SH3BGRL: variants seen among roughly 807,000 people sequenced by gnomAD.
SH3BGRL encodes the protein SH3 domain binding glutamate rich protein like, also known as adapter SH3BGRL.
SH3BGRL carries 7 observed loss-of-function variants against 9.8 expected under a neutral mutation model. That is an observed-to-expected ratio of 0.72 (90% CI 0.41 to 1.35). SH3BGRL has a LOEUF of 1.35. Ranked by LOEUF, SH3BGRL falls within the 40% of genes most tolerant of loss-of-function variation. The pLI, the probability that SH3BGRL is intolerant of heterozygous loss-of-function variation, is 0.01. For synonymous variants in SH3BGRL, 36 were observed against 29.1 expected (o/e 1.24, Z -0.76); for missense variants, 73 against 84.4 (o/e 0.86, Z 0.53).
intron 1 of SH3BGRL, among the ~76,000 whole-genome samples, chrX:81,212,848 A>G (rs892853724): frequency 8.9e-6 from 1 of 112,146 alleles, no homozygotes; most frequent in Non-Finnish European, 1.9e-5. Context: ...ATGAAAACTC[A>G]AAGCATCTAA....
intron 1 of SH3BGRL, among the ~76,000 whole-genome samples, chrX:81,231,279 G>A (rs897020295): frequency 3.6e-5 from 4 of 112,460 alleles, no homozygotes; most frequent in Non-Finnish European, 5.6e-5. Flanking sequence ...AGTTCTATTT[G>A]TAAATTTGGA....
chrX:81,291,276 G>A lies in SH3BGRL; in HGVS notation c.313-5919G>A, dbSNP rs1344258736. Among the ~76,000 whole-genome samples, 30 of 111,368 alleles carry A rather than the reference G, an allele frequency of 2.7e-4. No individual in the cohort carries two copies. In the Admixed American group the frequency reaches 2.9e-3, roughly 11 times the overall value. On this transcript the variant is annotated intron_variant, in intron 3 of 3. Coordinates refer to ENST00000373212, the MANE Select transcript of SH3BGRL (RefSeq NM_003022.3). ...GTTTAATTTACTTACAGTTCCACAGGCTATAAAGCAGACATGGCTTGGGAG... is the reference window on the plus strand; with the variant it reads ...GTTTAATTTACTTACAGTTCCACAGACTATAAAGCAGACATGGCTTGGGAG...
At chrX:81,245,415 A>G (rs2075685243) in intron 1 of SH3BGRL, among the ~76,000 whole-genome samples, 1 of 111,662 alleles carries the variant, frequency 9.0e-6, no homozygotes, top group African/African-American at 3.3e-5. Context: ...AGGTATGTAT[A>G]TATTTTTTCC....
intron 1 of SH3BGRL, among the ~76,000 whole-genome samples, chrX:81,228,095 T>C (rs1294182170): frequency 8.9e-6 from 1 of 112,145 alleles, no homozygotes; most frequent in Admixed American, 9.5e-5. Flanking sequence ...CATAGTATTG[T>C]CAACTAAAAA....
At chrX:81,273,268 G>C (rs372367493) in intron 1 of SH3BGRL, among the ~76,000 whole-genome samples, 2 of 112,642 alleles carry the variant, frequency 1.8e-5, no homozygotes, top group African/African-American at 6.4e-5. Context: ...ATAAATGCTT[G>C]TTCTCTCTTC....
At chrX:81,224,768 T>A (rs1389624790) in intron 1 of SH3BGRL, among the ~76,000 whole-genome samples, 1 of 111,902 alleles carries the variant, frequency 8.9e-6, no homozygotes, top group Non-Finnish European at 1.9e-5. Context: ...TTTTTGGATA[T>A]GGTATAATAA....
chrX:81,278,874 C>T (rs904295170), intron 3 of SH3BGRL, among the ~76,000 whole-genome samples: 1 of 111,851 alleles, frequency 8.9e-6, no homozygotes. Flanking sequence ...AAATTGCTCG[C>T]CAAATTTGAG....
intron 1 of SH3BGRL, among the ~76,000 whole-genome samples, chrX:81,249,133 A>C (rs927872490): frequency 2.7e-5 from 3 of 112,292 alleles, no homozygotes. Context: ...CAAAACAAAA[A>C]AAACAAAAAA....
At chrX:81,232,663 G>A (rs190298750) in intron 1 of SH3BGRL, among the ~76,000 whole-genome samples, 1 of 110,532 alleles carries the variant, frequency 9.0e-6, no homozygotes, top group African/African-American at 3.3e-5. Flanking sequence ...AAGCACCAAT[G>A]ACATAGGTTA....
At chrX:81,295,119 G>A (rs1288209531) in intron 3 of SH3BGRL, among the ~76,000 whole-genome samples, 1 of 111,747 alleles carries the variant, frequency 8.9e-6, no homozygotes, top group Non-Finnish European at 1.9e-5. Flanking sequence ...GTGGATTTTT[G>A]GTTTAATGCT....
intron 3 of SH3BGRL, among the ~76,000 whole-genome samples, chrX:81,289,644 G>T (rs1325476319): frequency 3.6e-5 from 4 of 111,042 alleles, no homozygotes; most frequent in Non-Finnish European, 7.5e-5. Flanking sequence ...GATCACTTGA[G>T]GCTAGGAGTT....
intron 1 of SH3BGRL, among the ~76,000 whole-genome samples, chrX:81,211,524 T>C (rs926602063): frequency 1.8e-5 from 2 of 110,514 alleles, no homozygotes; most frequent in Non-Finnish European, 3.8e-5. Context: ...GAGGCGGAGC[T>C]TGCAGTGATC....
chrX:81,250,648 C>G (rs1017142382), intron 1 of SH3BGRL, among the ~76,000 whole-genome samples: 29 of 111,941 alleles, frequency 2.6e-4, no homozygotes, highest in African/African-American at 9.1e-4. Flanking sequence ...CCAACTTCAA[C>G]TATTTTTTTT....
intron 1 of SH3BGRL, among the ~76,000 whole-genome samples, chrX:81,214,442 G>A (rs1320749672): frequency 7.2e-5 from 8 of 111,489 alleles, no homozygotes; most frequent in Non-Finnish European, 1.5e-4. Context: ...AGAAAATTAA[G>A]CGAACTGGAA....
intron 3 of SH3BGRL, among the ~76,000 whole-genome samples, chrX:81,288,671 T>C (rs764564982): frequency 4.5e-5 from 5 of 111,763 alleles, no homozygotes; most frequent in Admixed American, 2.9e-4. Context: ...ATATAAGAAG[T>C]AATTCCATTT....
At chrX:81,215,768 C>T (rs916524186) in intron 1 of SH3BGRL, among the ~76,000 whole-genome samples, 1 of 111,606 alleles carries the variant, frequency 9.0e-6, no homozygotes, top group African/African-American at 3.3e-5. Context: ...GTTATTAGTT[C>T]AGTTGAACTG....
chrX:81,288,465 G>A (rs774477351), intron 3 of SH3BGRL, among the ~76,000 whole-genome samples: 2 of 111,516 alleles, frequency 1.8e-5, no homozygotes, highest in South Asian at 7.4e-4. Flanking sequence ...AATACCTAAA[G>A]TTATCCAAAC....
In SH3BGRL at chrX:81,298,321, A is replaced by C. The variant is rs2075882517; in HGVS notation, c.*1094A>C. ...AAGCCTGAAGACTTCTAAAAAGACA[A>C]GAAACATGGCCTAAATAACCAACAT... On this transcript the variant is annotated 3_prime_UTR_variant, in exon 4 of 4. Coordinates refer to ENST00000373212, the MANE Select transcript of SH3BGRL (RefSeq NM_003022.3). 1 of 111,735 alleles carries C rather than the reference A, an allele frequency of 8.9e-6. No homozygotes were observed. Among genetic ancestry groups the C allele is most frequent in the Non-Finnish European group, 1.9e-5 (1 of 52,882 alleles). The allele number at this position is 111,735 out of a possible 1,213,427, so 9.2% of individuals were successfully genotyped here. A position where few individuals can be genotyped will look rare whatever the true frequency, so the allele number is the denominator to read the frequency against.
intron 1 of SH3BGRL, among the ~76,000 whole-genome samples, chrX:81,205,878 G>T (rs1055335049): frequency 4.5e-5 from 5 of 110,687 alleles, no homozygotes; most frequent in Non-Finnish European, 7.6e-5. Flanking sequence ...ACCAGCATTT[G>T]TTATCTTTTT....
Sources: allele counts gnomAD v4.1 joint callset (sites outside exome capture counted in the v4.1 genomes callset), GRCh38; gene constraint gnomAD v4.1.1; transcripts MANE v1.5; gene names NCBI Gene and HGNC (gene_info 2026-07-23, HGNC 2026-07-21).